The following NAT16 variants were observed in gnomAD, a reference collection of about 807,000 sequenced individuals.
NAT16 encodes the protein N-acetyltransferase 16 (putative).
NAT16 carries 16 observed loss-of-function variants against 15.9 expected under a neutral mutation model. That is an observed-to-expected ratio of 1.01 (90% confidence interval 0.68 to 1.53). NAT16 has a LOEUF of 1.53. Ranked by LOEUF, NAT16 falls within the 40% of genes most tolerant of loss-of-function variation. NAT16 has a pLI of 0.00. For missense variants in NAT16, 572 were observed against 508.4 expected (o/e 1.13, Z -1.20); for synonymous variants, 260 against 241.9 (o/e 1.07, Z -0.69).
intron 1 of NAT16, among the ~76,000 whole-genome samples, chr7:101,178,889 CAAAA>C (rs71126381): frequency 6.4e-5 from 4 of 62,088 alleles, no homozygotes; most frequent in Admixed American, 4.8e-4. Context: ...GAAACGCTGT[CAAAA>C]AAAAAAAAAA....
Position 101,172,267 on chromosome 7 carries a change from G to A in NAT16, c.922C>T (p.Gln308Ter). Residue 308 changes from glutamine (Q) to a stop codon, truncating the protein, a stop_gained, in exon 4 of 4, where the codon CAG (glutamine) becomes TAG (stop). Coordinates refer to ENST00000300303, the MANE Select transcript of NAT16 (RefSeq NM_198571.3). LOFTEE classifies it low-confidence loss of function (END_TRUNC). This position sits in a 1 kb window ranked among gnomAD's most constrained non-coding sequence, Gnocchi z 4.2. ...NIDAFGSDGA[Q>*]VQSQLLWHLQ... ...TGCCACAGCAGCTGGCTCTGCACCT[G>A]CGCGCCGTCGCTACCGAAGGCGTCG... The A allele has an allele frequency of 6.2e-7, 1 of 1,612,664 alleles. No homozygotes were observed. The highest frequency in any genetic ancestry group is 1.1e-5 in the South Asian group (1 of 91,038).
chr7:101,174,585 C>T lies in NAT16; in HGVS notation c.223G>A (p.Gly75Ser). Residue 75 changes from glycine (G) to serine (S), a missense_variant, in exon 2 of 4, where the codon GGC (glycine) becomes AGC (serine). Physicochemically the swap from Gly to Ser is moderately conservative, Grantham distance 56. Coordinates refer to ENST00000300303, the MANE Select transcript of NAT16 (RefSeq NM_198571.3). ...CGGCTAGGAAGGTAGTCCAGGCCGC[C>T]GTAGATGCCCCCCGAGATGGCCAGC... ...EVLAISGGIYGGLDYLPSRYH... is the reference protein window; with the variant it reads ...EVLAISGGIYSGLDYLPSRYH... The T allele has an allele frequency of 6.2e-7, 1 of 1,614,044 alleles. No individual in the cohort carries two copies. The highest frequency in any genetic ancestry group is 1.1e-5 in the South Asian group (1 of 91,072).
Position 101,174,795 on chromosome 7 carries a change from C to A in NAT16, c.13G>T (p.Ala5Ser), listed in dbSNP as rs2116729287. 6.4e-7 allele frequency: 1 copy of A among 1,573,010 alleles called. No homozygotes were observed. The highest frequency in any genetic ancestry group is 1.1e-5 in the South Asian group (1 of 88,600). ...TCTGAGGTGGCTGTGCCACAGCTGG[C>A]TTCCAGCTTCATGACCCTGCAGAAA... The part of the protein sequence containing the change: MKLE[A>S]SCGTATSEVP... Residue 5 changes from alanine (A) to serine (S), a missense_variant, in exon 2 of 4, where the codon GCC becomes TCC. Physicochemically the swap from Ala to Ser is moderately conservative, Grantham distance 99. Transcript: ENST00000300303.
chr7:101,179,946 G>C (rs1797555523), intron 1 of NAT16, 96 bp downstream of exon 1: 1 of 152,414 alleles, frequency 6.6e-6, no homozygotes, highest in African/African-American at 2.4e-5. Context: ...CAGCCGCTTG[G>C]TCCCCCTGAG....
In NAT16 at chr7:101,174,685, C is replaced by G; in HGVS notation, c.123G>C (p.Arg41Ser). Residue 41 changes from arginine (R) to serine (S), a missense_variant, in exon 2 of 4, where the codon AGG becomes AGC. Arg to Ser is a moderately radical substitution (Grantham distance 110). Transcript: ENST00000300303. ...TRPQEVEAEP[R>S]SGSGPEAEAE... ...CCTCAGCCTCAGGCCCCGATCCCGA[C>G]CTGGGCTCGGCCTCCACCTCCTGTG... 3 of 1,613,916 alleles carry G rather than the reference C, an allele frequency of 1.9e-6. No individual in the cohort carries two copies. Among genetic ancestry groups the G allele is most frequent in the Non-Finnish European group, 1.7e-6 (2 of 1,180,028 alleles).
rs910757776 is a variant in NAT16 at position 101,171,365 on chromosome 7, A to G, written c.*714T>C. ...TTCTAAATACATTTCATTTTACAGT[A>G]TCACTCTCTCTCTCTCTGGATTGCA... On this transcript the variant is annotated 3_prime_UTR_variant, in exon 4 of 4. Coordinates refer to ENST00000300303, the MANE Select transcript of NAT16 (RefSeq NM_198571.3). The G allele has an allele frequency of 2.6e-5, 4 of 152,326 alleles. No individual in the cohort carries two copies. The highest frequency in any genetic ancestry group is 5.9e-5 in the Non-Finnish European group (4 of 68,098). 9.4% of individuals were successfully genotyped at this position (152,326 alleles called of 1,614,324 possible). A position where few individuals can be genotyped will look rare whatever the true frequency, so the allele number is the denominator to read the frequency against.
intron 2 of NAT16, chr7:101,174,027 G>T: frequency 4.5e-6 from 1 of 224,392 alleles, no homozygotes; most frequent in East Asian, 9.5e-5. Flanking sequence ...GACGCGCCCG[G>T]CCCCTTCCAC....
At position 101,172,222 on chromosome 7, in the gene NAT16, G is replaced by A. The variant is rs1797340291; in HGVS notation, c.967C>T (p.Arg323Cys). 1.2e-6 allele frequency: 2 copies of A among 1,613,380 alleles called. No individual in the cohort carries two copies. The highest frequency in any genetic ancestry group is 1.7e-6 in the Non-Finnish European group (2 of 1,179,848). The change falls in exon 4 of 4, where the codon CGC becomes TGC. Residue 323 changes from arginine (R) to cysteine (C), a missense_variant. Physicochemically the swap from Arg to Cys is radical, Grantham distance 180. Transcript: ENST00000300303. This position sits in a 1 kb window ranked among gnomAD's most constrained non-coding sequence, Gnocchi z 4.2. ...CACATGACGTTGAGGCCAACGAGGCGCGGGGCCTGGCGCTGCAGGTGCCAC... is the reference window on the plus strand; with the variant it reads ...CACATGACGTTGAGGCCAACGAGGCACGGGGCCTGGCGCTGCAGGTGCCAC... Reference protein sequence around the residue: ...LLWHLQRQAPRLVGLNVMCQL... With the variant: ...LLWHLQRQAPCLVGLNVMCQL...
chr7:101,171,823 C>A lies in NAT16; in HGVS notation c.*256G>T, dbSNP rs374153906. The stretch of plus-strand genomic sequence containing the variant: ...GAGGGTGGATAACAGCAGCTCAAGG[C>A]CCCCACCCCCAGCCCCCACCTAATA... On this transcript the variant is annotated 3_prime_UTR_variant, in exon 4 of 4. Transcript: ENST00000300303. The A allele has an allele frequency of 2.1e-6, 1 of 478,120 alleles. No individual in the cohort carries two copies. The allele number at this position is 478,120 out of a possible 1,614,324, so 29.6% of individuals were successfully genotyped here. A position where few individuals can be genotyped will look rare whatever the true frequency, so the allele number is the denominator to read the frequency against.
chr7:101,174,986 G>A (rs1037260497), intron 1 of NAT16, among the ~76,000 whole-genome samples, 175 bp from the exon 2 acceptor site: 1 of 151,820 alleles, frequency 6.6e-6, no homozygotes, highest in African/African-American at 2.4e-5. Flanking sequence ...ACGGAGTCTC[G>A]TTCTGCCGCC....
At chr7:101,179,283 G>C (rs1039997659) in intron 1 of NAT16, 1 of 151,856 alleles carries the variant, frequency 6.6e-6, no homozygotes, top group Admixed American at 6.6e-5. Flanking sequence ...CAGGAGATGC[G>C]GCCGCAGGGG....
rs1006507 is a variant in NAT16, at chr7:101,170,753, C to T, written c.*1326G>A. On this transcript the variant is annotated 3_prime_UTR_variant, in exon 4 of 4. Coordinates refer to ENST00000300303, the MANE Select transcript of NAT16 (RefSeq NM_198571.3). ...ACTGTCAACATTCTCCTAGCACCTA[C>T]GCATTGCCCAACAAGAAGTTCAAGC... 79,589 of 152,294 alleles carry T rather than the reference C, an allele frequency of 0.52. 22,891 individuals carry two copies. The highest frequency in any genetic ancestry group is 0.62 in the Admixed American group (9,550 of 15,292). The allele number at this position is 152,294 out of a possible 1,614,324, so 9.4% of individuals were successfully genotyped here.
chr7:101,172,575 G>T lies in NAT16; in HGVS notation c.614C>A (p.Ser205Tyr). The T allele has an allele frequency of 6.5e-7, 1 of 1,535,818 alleles. No homozygotes were observed. The highest frequency in any genetic ancestry group is 2.5e-5 in the East Asian group (1 of 40,146). The change falls in exon 4 of 4, where the codon TCT becomes TAT. Residue 205 changes from serine to tyrosine, a missense_variant. Coordinates refer to ENST00000300303, the MANE Select transcript of NAT16 (RefSeq NM_198571.3). This position sits in a 1 kb window ranked among gnomAD's most constrained non-coding sequence, Gnocchi z 4.2. ...GGTGGGCAGCGGCGAGAAGGTGCCA[G>T]AGGTCCGCAGCGCCGCCAGCCGCGC... ...LGARLAALRT[S>Y]GTFSPLPTEA...
intron 1 of NAT16, 38 bp from the exon 2 acceptor site, chr7:101,174,849 C>T: frequency 6.6e-7 from 1 of 1,509,694 alleles, no homozygotes; most frequent in Non-Finnish European, 8.8e-7. Flanking sequence ...TGGATCAGCC[C>T]CTTTGTTTCC....
chr7:101,174,533 T>C lies in NAT16; in HGVS notation c.275A>G (p.Asp92Gly). ...SRYHSWLRDP[D>G]RTVVLAKRNG... ...GCGCTTGGCCAGCACCACCGTGCGG[T>C]CGGGGTCCCGGAGCCAGCTGTGGTA... is the stretch of plus-strand genomic sequence containing the variant. Residue 92 changes from aspartate (D) to glycine (G), a missense_variant, in exon 2 of 4, where the codon GAC becomes GGC. Coordinates refer to ENST00000300303, the MANE Select transcript of NAT16 (RefSeq NM_198571.3). 1 of 1,613,746 alleles carries C rather than the reference T, an allele frequency of 6.2e-7. No homozygotes were observed.
At chr7:101,176,601 C>G (rs1797474208) in intron 1 of NAT16, among the ~76,000 whole-genome samples, 1 of 148,376 alleles carries the variant, frequency 6.7e-6, no homozygotes, top group South Asian at 2.2e-4. Context: ...GCCCCTCTTC[C>G]CCATAGGGAG....
intron 1 of NAT16, among the ~76,000 whole-genome samples, chr7:101,177,825 T>A (rs1273046657): frequency 1.3e-5 from 2 of 152,166 alleles, no homozygotes; most frequent in African/African-American, 4.8e-5. Flanking sequence ...CAGCAATCCC[T>A]ATGCCAACAC....
intron 1 of NAT16, among the ~76,000 whole-genome samples, chr7:101,175,624 T>TA (rs548448006): frequency 0.076 from 10,855 of 143,744 alleles, 1,004 homozygotes; most frequent in East Asian, 0.23. Context: ...GGGGTAGTTT[T>TA]AAAAAAAAAA....
rs1797385283 is a variant in NAT16 at position 101,173,378 on chromosome 7, G to A, written c.455C>T (p.Pro152Leu). 1.9e-6 allele frequency: 3 copies of A among 1,613,876 alleles called. No homozygotes were observed. The highest frequency in any genetic ancestry group is 2.2e-5 in the East Asian group (1 of 44,882). The part of the protein sequence containing the change: ...FCSQLVKRQH[P>L]GVKVARLTRD... ...GGTGAGCCGTGCCACCTTGACCCCC[G>A]GGTGCTGTCTCTTGACCAGCTGCGA... The change falls in exon 3 of 4, where the codon CCG becomes CTG. Residue 152 changes from proline (P) to leucine (L), a missense_variant. Physicochemically the swap from Pro to Leu is moderately conservative, Grantham distance 98. Coordinates refer to ENST00000300303, the MANE Select transcript of NAT16 (RefSeq NM_198571.3).
Sources: gnomAD v4.1 joint callset for allele counts (sites outside exome capture counted in the v4.1 genomes callset) on GRCh38, gnomAD v4.1.1 for gene constraint, Gnocchi (gnomAD v3.1) non-coding constraint, MANE v1.5 for transcripts, NCBI Gene and HGNC (gene_info 2026-07-23, HGNC 2026-07-21) for gene names.